The following DPY19L1 variants were observed in gnomAD, a reference collection of about 807,000 sequenced individuals.
DPY19L1 encodes the protein protein C-mannosyl-transferase DPY19L1.
DPY19L1 carries 35 observed loss-of-function variants against 96.9 expected under a neutral mutation model. The observed-to-expected ratio is 0.36, with a 90% confidence interval of 0.28 to 0.48. The LOEUF is 0.48. Among genes scored for constraint, DPY19L1 ranks in the 20% least tolerant of loss-of-function variants. The pLI, the probability that DPY19L1 is intolerant of heterozygous loss-of-function variation, is 0.99. For synonymous variants in DPY19L1, 205 were observed against 252.6 expected (o/e 0.81, Z 1.79); for missense variants, 521 against 777.9 (o/e 0.67, Z 3.93).
chr7:35,024,147 T>C (rs1562830783), intron 1 of DPY19L1, among the ~76,000 whole-genome samples: 1 of 152,150 alleles, frequency 6.6e-6, no homozygotes. Context: ...AAGAAATGTA[T>C]TCTAAGTCCA....
At chr7:34,962,569 CA>C (rs1437398355) in intron 10 of DPY19L1, among the ~76,000 whole-genome samples, 4 of 152,192 alleles carry the variant, frequency 2.6e-5, no homozygotes, top group African/African-American at 7.2e-5. Context: ...TGGTGGCTCA[CA>C]TCTGCAATCC....
chr7:34,980,495 A>G (rs924626851), intron 7 of DPY19L1, among the ~76,000 whole-genome samples: 1 of 152,146 alleles, frequency 6.6e-6, no homozygotes, highest in African/African-American at 2.4e-5. Flanking sequence ...AAATCAAAAA[A>G]CGAAAAAAGA....
intron 21 of DPY19L1, among the ~76,000 whole-genome samples, chr7:34,932,830 C>T (rs1315676405): frequency 6.6e-6 from 1 of 152,104 alleles, no homozygotes; most frequent in Non-Finnish European, 1.5e-5. Context: ...AGAGAATTGA[C>T]AACTGCTCAT....
At chr7:35,025,016 A>T (rs1228171695) in intron 1 of DPY19L1, among the ~76,000 whole-genome samples, 1 of 152,238 alleles carries the variant, frequency 6.6e-6, no homozygotes, top group Non-Finnish European at 1.5e-5. Flanking sequence ...CTTTCTCAAC[A>T]ATCCAAATTA....
chr7:35,010,629 T>C, intron 5 of DPY19L1, 68 bp from the exon 6 acceptor site: 2 of 999,542 alleles, frequency 2.0e-6, no homozygotes, highest in East Asian at 4.9e-5. Flanking sequence ...TCTAGCAATT[T>C]ATATTAAATT....
intron 10 of DPY19L1, among the ~76,000 whole-genome samples, chr7:34,965,013 T>C (rs1015580200): frequency 6.6e-6 from 1 of 152,108 alleles, no homozygotes; most frequent in Non-Finnish European, 1.5e-5. Flanking sequence ...TAAAAAAGGA[T>C]GTAGAATAAC....
chr7:34,942,199 T>C (rs1584203024), intron 17 of DPY19L1, among the ~76,000 whole-genome samples: 1 of 152,260 alleles, frequency 6.6e-6, no homozygotes, highest in East Asian at 1.9e-4. Flanking sequence ...AAGAAATGAC[T>C]GCTGCCTCAA....
At chr7:34,941,262 GA>G (rs1285010392) in intron 18 of DPY19L1, among the ~76,000 whole-genome samples, 1 of 152,014 alleles carries the variant, frequency 6.6e-6, no homozygotes, top group Non-Finnish European at 1.5e-5. Context: ...TGTGAATACA[GA>G]ACAAGGAGGC....
chr7:34,934,370 T>C (rs1224529395), intron 21 of DPY19L1, among the ~76,000 whole-genome samples: 1 of 152,200 alleles, frequency 6.6e-6, no homozygotes, highest in Non-Finnish European at 1.5e-5. Flanking sequence ...CAATAAAACG[T>C]GGAACCATTT....
intron 8 of DPY19L1, among the ~76,000 whole-genome samples, 194 bp downstream of exon 8, chr7:34,973,320 A>G (rs1308515614): frequency 1.3e-5 from 2 of 152,206 alleles, no homozygotes; most frequent in African/African-American, 4.8e-5. Context: ...CTACCAAGAA[A>G]AAGGAGGAGG....
At chr7:35,028,137 T>G (rs1051543780) in intron 1 of DPY19L1, among the ~76,000 whole-genome samples, 9 of 152,168 alleles carry the variant, frequency 5.9e-5, no homozygotes, top group African/African-American at 2.2e-4. Flanking sequence ...ATATGGGTCT[T>G]ATTTTCCCAT....
chr7:34,975,997 G>A (rs573031056), intron 7 of DPY19L1, among the ~76,000 whole-genome samples: 1 of 152,314 alleles, frequency 6.6e-6, no homozygotes, highest in East Asian at 1.9e-4. Flanking sequence ...GGTGATTAAT[G>A]TTGCCTTCAT....
chr7:34,969,950 C>T (rs565371144), intron 8 of DPY19L1, among the ~76,000 whole-genome samples: 11 of 152,188 alleles, frequency 7.2e-5, no homozygotes, highest in Admixed American at 7.2e-4. Context: ...AAGAGGTAAG[C>T]GGCTGAGAGA....
At chr7:35,025,509 G>T (rs1786099697) in intron 1 of DPY19L1, among the ~76,000 whole-genome samples, 1 of 152,100 alleles carries the variant, frequency 6.6e-6, no homozygotes, top group African/African-American at 2.4e-5. Flanking sequence ...GAGGTGGGTG[G>T]GGGAGGTGGT....
At chr7:35,037,873 T>C (rs1786487587), upstream of DPY19L1, 6 of 1,236,938 alleles carry the variant, frequency 4.9e-6, no homozygotes, top group Middle Eastern at 6.2e-4. Flanking sequence ...GCGGACGGCC[T>C]TCCGGAGGCG....
chr7:35,007,139 C>T (rs1479999861), intron 6 of DPY19L1, among the ~76,000 whole-genome samples: 2 of 152,140 alleles, frequency 1.3e-5, no homozygotes, highest in East Asian at 3.9e-4. Flanking sequence ...GGTCAAAAAA[C>T]ATACAAAAAT....
intron 6 of DPY19L1, among the ~76,000 whole-genome samples, chr7:35,008,999 C>T (rs1219683168): frequency 6.6e-6 from 1 of 152,184 alleles, no homozygotes; most frequent in Non-Finnish European, 1.5e-5. Flanking sequence ...CAAAATCTTT[C>T]ACAATCATCT....
chr7:35,030,587 C>A (rs868779664), intron 1 of DPY19L1, among the ~76,000 whole-genome samples: 2 of 152,000 alleles, frequency 1.3e-5, no homozygotes, highest in South Asian at 2.1e-4. Flanking sequence ...TGATAGTGAT[C>A]GTGCTGAAAA....
intron 1 of DPY19L1, among the ~76,000 whole-genome samples, chr7:35,033,719 C>G (rs760433065): frequency 3.7e-4 from 57 of 152,108 alleles, no homozygotes; most frequent in Admixed American, 8.5e-4. Flanking sequence ...CTCTCTGCCT[C>G]CACCCAGTTT....
Sources: allele counts gnomAD v4.1 joint callset (sites outside exome capture counted in the v4.1 genomes callset), GRCh38; gene constraint gnomAD v4.1.1; transcripts MANE v1.5; gene names NCBI Gene and HGNC (gene_info 2026-07-23, HGNC 2026-07-21).